Variants in FOXK1 observed in about 807,000 individuals in gnomAD.
The protein encoded by FOXK1 is forkhead box K1.
In FOXK1, 19 loss-of-function variants were observed where a neutral mutation model predicts 51.9. The ratio of observed to expected loss-of-function variants is 0.37; its 90% CI spans 0.26 to 0.54. The LOEUF is 0.54. FOXK1 is among the 20% of genes least tolerant of loss of function. The probability of loss-of-function intolerance (pLI) is 0.87; values close to 1 mark genes in which losing one functional copy is unlikely to be tolerated. For synonymous variants in FOXK1, 537 were observed against 482.6 expected (o/e 1.11, Z -1.48); for missense variants, 870 against 1,032.7 (o/e 0.84, Z 2.16).
In FOXK1 at chr7:4,747,326, G is replaced by C. The variant is rs188505979; in HGVS notation, c.746+6303G>C. Among the ~76,000 whole-genome samples, 26 of 152,256 alleles carry C rather than the reference G, an allele frequency of 1.7e-4. No individual in the cohort carries two copies. The highest frequency in any genetic ancestry group is 6.3e-4 in the African/African-American group (26 of 41,544). ...GCCTGCAGACACGGAGCTGACCCCG[G>C]AACCTGCCTAGCTGCGGGGCCGCCT... is the stretch of plus-strand genomic sequence containing the variant. On this transcript the variant is annotated intron_variant, in intron 2 of 8. Coordinates refer to ENST00000328914, the MANE Select transcript of FOXK1 (RefSeq NM_001037165.2). The surrounding 1 kb of genome is among the most constrained non-coding windows in gnomAD (Gnocchi z 9.2).
At position 4,747,344 on chromosome 7, in the gene FOXK1, G is replaced by A. The variant is rs1398998758; in HGVS notation, c.746+6321G>A. Among the ~76,000 whole-genome samples the A allele has an allele frequency of 2.6e-5, 4 of 152,130 alleles. No homozygotes were observed. The highest frequency in any genetic ancestry group is 5.9e-5 in the Non-Finnish European group (4 of 68,020). On this transcript the variant is annotated intron_variant, in intron 2 of 8. Transcript: ENST00000328914. This position sits in a 1 kb window ranked among gnomAD's most constrained non-coding sequence, Gnocchi z 9.2. ...GACCCCGGAACCTGCCTAGCTGCGG[G>A]GCCGCCTCTCCGCTCAAGCACCCAC...
chr7:4,705,831 G>A (rs1396609973), intron 1 of FOXK1, among the ~76,000 whole-genome samples: 2 of 147,218 alleles, frequency 1.4e-5, no homozygotes, highest in Non-Finnish European at 3.0e-5. Flanking sequence ...CCACTGCCCC[G>A]GCCTTCACGT....
intron 1 of FOXK1, among the ~76,000 whole-genome samples, chr7:4,699,151 C>A (rs1488867982): frequency 1.3e-5 from 2 of 152,200 alleles, no homozygotes; most frequent in African/African-American, 4.8e-5. Flanking sequence ...CTGACCTTGA[C>A]ATTTTTAAAA....
At position 4,683,035 on chromosome 7, in the gene FOXK1, AC is replaced by A. The variant is rs1282198545; in HGVS notation, c.560+172del. Among the ~76,000 whole-genome samples the A allele has an allele frequency of 1.1e-5, 1 of 87,082 alleles. No homozygotes were observed. Among genetic ancestry groups the A allele is most frequent in the Non-Finnish European group, 2.2e-5 (1 of 45,020 alleles). The allele number at this position is 87,082 out of a possible 152,430, so 57.1% of individuals were successfully genotyped here. A position where few individuals can be genotyped will look rare whatever the true frequency, so the allele number is the denominator to read the frequency against. On this transcript the variant is annotated intron_variant, in intron 1 of 8. Transcript: ENST00000328914. The surrounding 1 kb of genome is among the most constrained non-coding windows in gnomAD (Gnocchi z 4.5). ...GGCCTGGACTCCGGGGTCAACCCCGACCCCCGCCTCCTGGCTCCCTAGGATC... is the reference window on the plus strand; with the variant it reads ...GGCCTGGACTCCGGGGTCAACCCCGACCCCGCCTCCTGGCTCCCTAGGATC...
rs536071127 is a variant in FOXK1, at chr7:4,770,678, A to G, written c.*8214A>G. On this transcript the variant is annotated 3_prime_UTR_variant, in exon 9 of 9. Transcript: ENST00000328914. The stretch of plus-strand genomic sequence containing the variant: ...GGAGGAGAGACAACAGCCGTGTTCC[A>G]GAGTCTGTCCTGAGATGTCGCTGAG... The G allele has an allele frequency of 1.8e-4, 28 of 152,342 alleles. No individual in the cohort carries two copies. In the East Asian group the frequency reaches 5.0e-3, roughly 27 times the overall value. 9.4% of individuals were successfully genotyped at this position (152,342 alleles called of 1,614,324 possible). A position where few individuals can be genotyped will look rare whatever the true frequency, so the allele number is the denominator to read the frequency against.
chr7:4,714,779 C>G lies in FOXK1; in HGVS notation c.561-26059C>G, dbSNP rs576694215. On this transcript the variant is annotated intron_variant, in intron 1 of 8. Coordinates refer to ENST00000328914, the MANE Select transcript of FOXK1 (RefSeq NM_001037165.2). ...AAATTTTGTTTTGGTTTTTTTTCCT[C>G]TCTCTCATCTCAGTTTCCCTCCTTA... Among the ~76,000 whole-genome samples the G allele has an allele frequency of 3.3e-5, 5 of 152,178 alleles. 1 individual carries two copies. In the South Asian group the frequency reaches 1.0e-3, roughly 32 times the overall value.
Position 4,740,959 on chromosome 7 carries a change from C to G in FOXK1, c.682C>G (p.His228Asp). 6.4e-7 allele frequency: 1 copy of G among 1,569,218 alleles called. No homozygotes were observed. The highest frequency in any genetic ancestry group is 8.6e-7 in the Non-Finnish European group (1 of 1,161,536). ...CCCCCAGATCTCCCCTCTGAAGATC[C>G]ACATCCCGGAGCCGGACCTCCGGAG... ...LYPQISPLKI[H>D]IPEPDLRSMV... Residue 228 changes from histidine (H) to aspartate (D), a missense_variant, in exon 2 of 9, where the codon CAC becomes GAC. Around this residue, in one of 3 missense-constraint regions of FOXK1, gnomAD observed 399 missense variants for 475.6 expected, o/e 0.84. Transcript: ENST00000328914.
At chr7:4,698,940 G>A (rs915612920) in intron 1 of FOXK1, among the ~76,000 whole-genome samples, 2 of 152,060 alleles carry the variant, frequency 1.3e-5, no homozygotes, top group Non-Finnish European at 2.9e-5. Flanking sequence ...CACCCACCTC[G>A]GCCTCTCAAA....
Position 4,762,296 on chromosome 7 carries a change from C to T in FOXK1, c.2034C>T (p.Ala678=). The change falls in exon 9 of 9, where the codon GCC becomes GCT. Residue 678 remains alanine, a synonymous_variant. Transcript: ENST00000328914. The surrounding 1 kb of genome is among the most constrained non-coding windows in gnomAD (Gnocchi z 5.7). ...AGGAGCCAGCAGCAGCCGTCGCGGC[C>T]ACGGCCACCACCACCCCAGCCACTG... ...GPKEPAAAVA[A]TATTTPATAT... is the part of the protein sequence containing the mutation. The T allele has an allele frequency of 6.5e-7, 1 of 1,550,346 alleles. No individual in the cohort carries two copies. The highest frequency in any genetic ancestry group is 8.7e-7 in the Non-Finnish European group (1 of 1,146,798).
In FOXK1 at chr7:4,682,525, G is replaced by T; in HGVS notation, c.217G>T (p.Gly73Cys). 2 of 1,107,648 alleles carry T rather than the reference G, an allele frequency of 1.8e-6. No homozygotes were observed. Among genetic ancestry groups the T allele is most frequent in the Non-Finnish European group, 2.2e-6 (2 of 911,028 alleles). The allele number at this position is 1,107,648 out of a possible 1,614,324, so 68.6% of individuals were successfully genotyped here. A position where few individuals can be genotyped will look rare whatever the true frequency, so the allele number is the denominator to read the frequency against. The change falls in exon 1 of 9, where the codon GGC (glycine) becomes TGC (cysteine). Residue 73 changes from glycine (G) to cysteine (C), a missense_variant. This residue lies in a region of FOXK1 where 399 missense variants were observed against 475.6 expected (regional missense o/e 0.84). Transcript: ENST00000328914. This position sits in a 1 kb window ranked among gnomAD's most constrained non-coding sequence, Gnocchi z 7.6. ...GAIAGAGSSGGSSGVSGDSAV... is the reference protein window; with the variant it reads ...GAIAGAGSSGCSSGVSGDSAV... ...GATCGCGGGCGCGGGCTCCTCCGGG[G>T]GCTCCTCCGGGGTATCCGGGGACTC...
chr7:4,710,629 G>C (rs1780162459), intron 1 of FOXK1, among the ~76,000 whole-genome samples: 2 of 152,160 alleles, frequency 1.3e-5, no homozygotes, highest in South Asian at 4.1e-4. Flanking sequence ...GTATTTTGGA[G>C]AAATGGGTGC....
At position 4,761,033 on chromosome 7, in the gene FOXK1, G is replaced by C. The variant is rs770584050; in HGVS notation, c.1697-31G>C. The C allele has an allele frequency of 6.3e-7, 1 of 1,589,504 alleles. No individual in the cohort carries two copies. On this transcript the variant is annotated intron_variant, in intron 7 of 8. Coordinates refer to ENST00000328914, the MANE Select transcript of FOXK1 (RefSeq NM_001037165.2). This position sits in a 1 kb window ranked among gnomAD's most constrained non-coding sequence, Gnocchi z 6.2. The stretch of plus-strand genomic sequence containing the variant: ...GGAAATCGATTGTCTCGTTGGCCGA[G>C]TGTGGTGCTGACTTGGTTCCTGTCC...
Position 4,687,099 on chromosome 7 carries a change from A to AT in FOXK1, c.560+4237dup, listed in dbSNP as rs1207592706. Among the ~76,000 whole-genome samples, 4 of 151,186 alleles carry AT rather than the reference A, an allele frequency of 2.6e-5. No individual in the cohort carries two copies. In the East Asian group the frequency reaches 5.9e-4, roughly 22 times the overall value. On this transcript the variant is annotated intron_variant, in intron 1 of 8. Transcript: ENST00000328914. ...GGGCACCTGCCAGCATGCCCAGCTA[A>AT]TTTTTTGTATTTTTAGTAGAGACGG...
At position 4,733,110 on chromosome 7, in the gene FOXK1, G is replaced by C. The variant is rs187153648; in HGVS notation, c.561-7728G>C. Among the ~76,000 whole-genome samples, 218 of 152,134 alleles carry C rather than the reference G, an allele frequency of 1.4e-3. 1 individual carries two copies. Among genetic ancestry groups the C allele is most frequent in the South Asian group, 2.3e-3 (11 of 4,822 alleles). ...CTTCCTGGATTCTTTCAGTTAGGAC[G>C]TAGTTTTGATTTTGCAACAAAGGTC... On this transcript the variant is annotated intron_variant, in intron 1 of 8. Coordinates refer to ENST00000328914, the MANE Select transcript of FOXK1 (RefSeq NM_001037165.2). This position sits in a 1 kb window ranked among gnomAD's most constrained non-coding sequence, Gnocchi z 5.0.
chr7:4,754,567 GGCC>G lies in FOXK1; in HGVS notation c.858_860del (p.Ala287del). ...AGCTGGCAGCAGAGTTTGCAGCAAA[GGCC>G]GCGTCGGAGCAGCAGGCAGACACGT... is the stretch of plus-strand genomic sequence containing the variant. On this transcript the variant is annotated inframe_deletion, in exon 3 of 9. Transcript: ENST00000328914. The G allele has an allele frequency of 6.2e-7, 1 of 1,609,476 alleles. No homozygotes were observed.
chr7:4,725,740 C>T (rs888800027), intron 1 of FOXK1, among the ~76,000 whole-genome samples: 1 of 152,254 alleles, frequency 6.6e-6, no homozygotes, highest in African/African-American at 2.4e-5. Flanking sequence ...CCGTCAACTG[C>T]CGTGGCTGCC....
Position 4,767,923 on chromosome 7 carries a change from A to G in FOXK1, c.*5459A>G, listed in dbSNP as rs1781038125. On this transcript the variant is annotated 3_prime_UTR_variant, in exon 9 of 9. Coordinates refer to ENST00000328914, the MANE Select transcript of FOXK1 (RefSeq NM_001037165.2). This position sits in a 1 kb window ranked among gnomAD's most constrained non-coding sequence, Gnocchi z 6.6. ...CCTCGAGAAGGGGGCCCTTACCCAC[A>G]CCGTGCGGCTTGAATTCTGTCGGAG... 1 of 151,846 alleles carries G rather than the reference A, an allele frequency of 6.6e-6. No homozygotes were observed. The highest frequency in any genetic ancestry group is 1.5e-5 in the Non-Finnish European group (1 of 68,018). 9.4% of individuals were successfully genotyped at this position (151,846 alleles called of 1,614,324 possible). A position where few individuals can be genotyped will look rare whatever the true frequency, so the allele number is the denominator to read the frequency against.
chr7:4,721,793 A>G (rs1329445383), intron 1 of FOXK1, among the ~76,000 whole-genome samples: 1 of 151,088 alleles, frequency 6.6e-6, no homozygotes, highest in African/African-American at 2.4e-5. Flanking sequence ...GTTTCACCGT[A>G]TTGACCAGGC....
intron 1 of FOXK1, among the ~76,000 whole-genome samples, chr7:4,706,036 G>GTATA (rs1562373229): frequency 3.2e-5 from 4 of 125,582 alleles, no homozygotes; most frequent in African/African-American, 1.7e-4. Flanking sequence ...GTATATACGT[G>GTATA]TATATACGTG....
Sources: gnomAD v4.1 joint callset for allele counts (sites outside exome capture counted in the v4.1 genomes callset) on GRCh38, gnomAD v4.1.1 for gene constraint, gnomAD v4.1.1 regional missense constraint, Gnocchi (gnomAD v3.1) non-coding constraint, MANE v1.5 for transcripts, NCBI Gene and HGNC (gene_info 2026-07-23, HGNC 2026-07-21) for gene names.